NECTIN3: variants seen among roughly 807,000 people sequenced by gnomAD.
NECTIN3 encodes nectin-3.
A neutral mutation model predicts 49.4 loss-of-function variants in NECTIN3; 8 were observed. The ratio of observed to expected loss-of-function variants is 0.16; its 90% confidence interval spans 0.10 to 0.29. NECTIN3 has a LOEUF of 0.29. NECTIN3 is among the 10% of genes least tolerant of loss of function. The pLI is 1.00. For missense variants in NECTIN3, 581 were observed against 654.6 expected (o/e 0.89, Z 1.23); for synonymous variants, 277 against 241.1 (o/e 1.15, Z -1.38).
intron 1 of NECTIN3, among the ~76,000 whole-genome samples, chr3:111,085,922 C>T (rs1162746814): frequency 6.6e-6 from 1 of 152,166 alleles, no homozygotes; most frequent in Non-Finnish European, 1.5e-5. Context: ...ACAATTCATA[C>T]TCCCACCAAT....
chr3:111,134,866 A>G lies in NECTIN3; in HGVS notation c.*651A>G, dbSNP rs1410371556. 5.1e-6 allele frequency: 5 copies of G among 983,142 alleles called. No homozygotes were observed. The highest frequency in any genetic ancestry group is 5.2e-4 in the Middle Eastern group (1 of 1,934). The allele number at this position is 983,142 out of a possible 1,614,324, so 60.9% of individuals were successfully genotyped here. A position where few individuals can be genotyped will look rare whatever the true frequency, so the allele number is the denominator to read the frequency against. On this transcript the variant is annotated 3_prime_UTR_variant, in exon 6 of 6. Coordinates refer to ENST00000485303, the MANE Select transcript of NECTIN3 (RefSeq NM_015480.3). ...TTGTTGCACTAAAACTGTGGTAGTA[A>G]ACTCAGTGAACATGATGTGTGGAAG...
At chr3:111,072,854 C>G in intron 1 of NECTIN3, 1 of 328,028 alleles carries the variant, frequency 3.0e-6, no homozygotes, top group Non-Finnish European at 5.7e-6. Flanking sequence ...TGTTAAATAC[C>G]TGATTTCATG....
chr3:111,113,401 A>T (rs1186657253), intron 2 of NECTIN3, among the ~76,000 whole-genome samples: 1 of 152,172 alleles, frequency 6.6e-6, no homozygotes, highest in Non-Finnish European at 1.5e-5. Context: ...CTCACATCAC[A>T]GTGTCTGCTT....
intron 1 of NECTIN3, 132 bp downstream of exon 1, chr3:111,072,309 G>C: frequency 7.0e-7 from 1 of 1,435,146 alleles, no homozygotes; most frequent in South Asian, 1.5e-5. Context: ...CGAGGACTTT[G>C]GCTGGAAACT....
intron 1 of NECTIN3, among the ~76,000 whole-genome samples, chr3:111,078,654 A>G (rs575061521): frequency 6.6e-6 from 1 of 152,294 alleles, no homozygotes; most frequent in African/African-American, 2.4e-5. Context: ...ATTCTTAAAG[A>G]GATTTGTACT....
At chr3:111,124,178 G>C (rs1252817370) in intron 4 of NECTIN3, among the ~76,000 whole-genome samples, 2 of 151,972 alleles carry the variant, frequency 1.3e-5, no homozygotes, top group Non-Finnish European at 2.9e-5. Context: ...ATTTTTATTT[G>C]ATAGAGTGTT....
downstream of NECTIN3, among the ~76,000 whole-genome samples, chr3:111,139,950 CT>C (rs2034698879): frequency 6.6e-6 from 1 of 151,790 alleles, no homozygotes; most frequent in South Asian, 2.1e-4. Context: ...TAAAAGTTAA[CT>C]TTTTTATTAC....
At chr3:111,086,444 T>C (rs1188610355) in intron 1 of NECTIN3, among the ~76,000 whole-genome samples, 1 of 152,208 alleles carries the variant, frequency 6.6e-6, no homozygotes, top group African/African-American at 2.4e-5. Context: ...ATTTTTGTGA[T>C]TATATAAGAT....
At chr3:111,170,739 G>A (rs1030745497) in intron 7 of NECTIN3, among the ~76,000 whole-genome samples, 3 of 152,136 alleles carry the variant, frequency 2.0e-5, no homozygotes, top group African/African-American at 4.8e-5. Flanking sequence ...GGTAGTGGAG[G>A]ATGAAGCACC....
intron 7 of NECTIN3, among the ~76,000 whole-genome samples, chr3:111,175,765 C>T (rs1174064452): frequency 1.3e-5 from 2 of 152,140 alleles, no homozygotes; most frequent in Admixed American, 1.3e-4. Flanking sequence ...CAGTAACAGC[C>T]TCTGATGGCT....
chr3:111,137,504 C>T lies in NECTIN3; in HGVS notation c.*3289C>T, dbSNP rs1198846068. The T allele has an allele frequency of 1.0e-5, 10 of 974,060 alleles. No individual in the cohort carries two copies. The East Asian group carries it at 9.4e-4, about 92-fold the overall frequency. 60.3% of individuals were successfully genotyped at this position (974,060 alleles called of 1,614,324 possible). A position where few individuals can be genotyped will look rare whatever the true frequency, so the allele number is the denominator to read the frequency against. ...AACCAACCTGTGTATTAGGTGTTAG[C>T]CCCAATAGCCATGCATGAAATCTTT... On this transcript the variant is annotated 3_prime_UTR_variant, in exon 6 of 6. Transcript: ENST00000485303.
upstream of NECTIN3, among the ~76,000 whole-genome samples, chr3:111,191,643 G>C (rs2035815366): frequency 6.6e-6 from 1 of 152,002 alleles, no homozygotes; most frequent in African/African-American, 2.4e-5. Context: ...AGAAAAGGAT[G>C]ATCATATGGC....
At chr3:111,142,551 ATATTT>A (rs563574641), downstream of NECTIN3, among the ~76,000 whole-genome samples, 65 of 151,964 alleles carry the variant, frequency 4.3e-4, no homozygotes, top group African/African-American at 1.5e-3. Context: ...TTAAGAATAT[ATATTT>A]AGACAAGCAT....
At chr3:111,098,203 G>A (rs552463289) in intron 1 of NECTIN3, among the ~76,000 whole-genome samples, 14 of 152,158 alleles carry the variant, frequency 9.2e-5, no homozygotes, top group South Asian at 2.1e-4. Context: ...AAGTCTGAAC[G>A]TCTTCCCTGT....
chr3:111,162,698 C>T (rs2035238456), intron 7 of NECTIN3, among the ~76,000 whole-genome samples: 1 of 152,102 alleles, frequency 6.6e-6, no homozygotes. Context: ...GTTAAACTTT[C>T]CCCTACCATA....
intron 7 of NECTIN3, among the ~76,000 whole-genome samples, chr3:111,178,489 G>T (rs2035570967): frequency 6.6e-6 from 1 of 152,206 alleles, no homozygotes; most frequent in Admixed American, 6.5e-5. Flanking sequence ...AATGACCACT[G>T]TATGTTCAGC....
chr3:111,176,743 TA>T (rs1167864124), intron 7 of NECTIN3, among the ~76,000 whole-genome samples: 1 of 152,046 alleles, frequency 6.6e-6, no homozygotes, highest in African/African-American at 2.4e-5. Context: ...AAAATACATG[TA>T]AAAATATGTT....
At chr3:111,189,424 A>T (rs1006964113), upstream of NECTIN3, among the ~76,000 whole-genome samples, 6 of 152,252 alleles carry the variant, frequency 3.9e-5, no homozygotes, top group South Asian at 1.0e-3. Flanking sequence ...AGAAAATGAG[A>T]TTGTAAATTG....
chr3:111,179,430 A>G (rs2035588515), intron 7 of NECTIN3, among the ~76,000 whole-genome samples: 1 of 152,212 alleles, frequency 6.6e-6, no homozygotes, highest in South Asian at 2.1e-4. Flanking sequence ...ATAGCTTTTC[A>G]GTAAGTGTTT....
Sources: allele counts gnomAD v4.1 joint callset (sites outside exome capture counted in the v4.1 genomes callset), GRCh38; gene constraint gnomAD v4.1.1; transcripts MANE v1.5; gene names NCBI Gene and HGNC (gene_info 2026-07-23, HGNC 2026-07-21).